SGCZ: variants seen among roughly 807,000 people sequenced by gnomAD.
SGCZ encodes sarcoglycan zeta, also known as zeta-sarcoglycan.
A neutral mutation model predicts 41.3 loss-of-function variants in SGCZ; 40 were observed. The observed-to-expected ratio is 0.97, with a 90% CI of 0.75 to 1.26. The LOEUF (loss-of-function observed/expected upper bound fraction) is 1.26, where lower values mean the gene tolerates loss of function less well. Among genes scored for constraint, SGCZ ranks in the 50% most tolerant of loss-of-function variants. The probability of loss-of-function intolerance (pLI) is 0.00; values close to 1 mark genes in which losing one functional copy is unlikely to be tolerated. For missense variants in SGCZ, 552 were observed against 369.8 expected (o/e 1.49, Z -4.04); for synonymous variants, 206 against 137.5 (o/e 1.50, Z -3.49).
chr8:14,680,561 T>C (rs1182739887), intron 1 of SGCZ, among the ~76,000 whole-genome samples: 1 of 143,428 alleles, frequency 7.0e-6, no homozygotes. Flanking sequence ...GAGCAAGAAA[T>C]CTCACAGATA....
intron 3 of SGCZ, among the ~76,000 whole-genome samples, chr8:14,264,577 G>A (rs1799807575): frequency 6.6e-6 from 1 of 152,116 alleles, no homozygotes; most frequent in African/African-American, 2.4e-5. Flanking sequence ...TGGGCTTAGA[G>A]CATTATCTGG....
At chr8:14,297,548 G>A (rs943283606) in intron 3 of SGCZ, among the ~76,000 whole-genome samples, 6 of 151,530 alleles carry the variant, frequency 4.0e-5, no homozygotes, top group South Asian at 2.1e-4. Flanking sequence ...CAAAATTACC[G>A]CTTTCTAGAA....
chr8:14,893,351 C>T (rs1805085576), intron 1 of SGCZ, among the ~76,000 whole-genome samples: 1 of 152,150 alleles, frequency 6.6e-6, no homozygotes, highest in Non-Finnish European at 1.5e-5. Context: ...GCCCTGCCAT[C>T]ACCTTAAATC....
chr8:14,160,413 G>A (rs958958335), intron 5 of SGCZ, among the ~76,000 whole-genome samples: 1 of 152,008 alleles, frequency 6.6e-6, no homozygotes, highest in Admixed American at 6.5e-5. Context: ...TTTTTGTTGT[G>A]TTGACTAGGT....
intron 3 of SGCZ, among the ~76,000 whole-genome samples, chr8:14,276,735 G>C (rs559827015): frequency 6.6e-5 from 10 of 151,932 alleles, no homozygotes; most frequent in African/African-American, 2.2e-4. Context: ...TTAATTCTAC[G>C]CCACCACTCT....
chr8:14,998,378 G>A (rs1466222563), intron 1 of SGCZ, among the ~76,000 whole-genome samples: 1 of 152,156 alleles, frequency 6.6e-6, no homozygotes, highest in Non-Finnish European at 1.5e-5. Flanking sequence ...AAGCTTTCCA[G>A]TAAGCTGATG....
intron 1 of SGCZ, among the ~76,000 whole-genome samples, chr8:14,803,370 C>T (rs920912005): frequency 3.9e-5 from 6 of 152,146 alleles, no homozygotes; most frequent in East Asian, 2.0e-4. Context: ...AGTGGGTGCG[C>T]GCACCATGCG....
intron 1 of SGCZ, among the ~76,000 whole-genome samples, chr8:14,693,307 C>A (rs1441831985): frequency 1.4e-5 from 2 of 140,824 alleles, no homozygotes; most frequent in Non-Finnish European, 3.1e-5. Context: ...TTTTTTTTTC[C>A]CCCAGATGAA....
intron 2 of SGCZ, among the ~76,000 whole-genome samples, chr8:14,538,258 C>T (rs1350870): frequency 0.89 from 134,826 of 151,922 alleles, 60,107 homozygotes; most frequent in Middle Eastern, 0.94. Flanking sequence ...GTGAAGGCAA[C>T]CCTTAAAATG....
At chr8:15,217,969 C>A (rs1365625707) in intron 1 of SGCZ, among the ~76,000 whole-genome samples, 1 of 152,008 alleles carries the variant, frequency 6.6e-6, no homozygotes, top group Non-Finnish European at 1.5e-5. Context: ...GCTTGTAATC[C>A]CAGCTGCTGG....
chr8:14,532,307 A>T (rs901278115), intron 2 of SGCZ, among the ~76,000 whole-genome samples: 1 of 152,060 alleles, frequency 6.6e-6, no homozygotes, highest in Non-Finnish European at 1.5e-5. Context: ...GGTTAGAGTA[A>T]ACCTTCCAGT....
rs1803845935 is a variant in SGCZ at position 14,551,544 on chromosome 8, T to TATATATA, written c.234+3181_234+3187dup. On this transcript the variant is annotated intron_variant, in intron 2 of 7. Coordinates refer to ENST00000382080, the MANE Select transcript of SGCZ (RefSeq NM_139167.4). ...TATATAATATATATAATATATATAA[T>TATATATA]ATATATAATATATATTATATATATA... Among the ~76,000 whole-genome samples, 28 of 6,194 alleles carry TATATATA rather than the reference T, an allele frequency of 4.5e-3. 3 individuals carry two copies. Among genetic ancestry groups the TATATATA allele is most frequent in the Admixed American group, 0.011 (4 of 354 alleles). 4.1% of individuals were successfully genotyped at this position (6,194 alleles called of 152,430 possible).
chr8:14,966,477 G>T (rs1302182285), intron 1 of SGCZ, among the ~76,000 whole-genome samples: 1 of 151,806 alleles, frequency 6.6e-6, no homozygotes, highest in Non-Finnish European at 1.5e-5. Context: ...GATTACAGAG[G>T]ATTTTGTGTA....
chr8:14,120,900 T>C (rs187995942), intron 5 of SGCZ, among the ~76,000 whole-genome samples: 6 of 152,258 alleles, frequency 3.9e-5, no homozygotes, highest in Admixed American at 3.3e-4. Flanking sequence ...AGATCATCAA[T>C]GATAGTTTCA....
rs192668674 is a variant in SGCZ, at chr8:14,085,073, A to C, written c.*5370T>G. Reference sequence around the variant, plus strand: ...CAATTAAGTTCCATCTAAACAAAAGATACAATAGACTGATTTTTGAATAGA... The same window carrying C: ...CAATTAAGTTCCATCTAAACAAAAGCTACAATAGACTGATTTTTGAATAGA... On this transcript the variant is annotated 3_prime_UTR_variant, in exon 8 of 8. Coordinates refer to ENST00000382080, the MANE Select transcript of SGCZ (RefSeq NM_139167.4). Among the ~76,000 whole-genome samples the C allele has an allele frequency of 6.6e-6, 1 of 151,808 alleles. No homozygotes were observed. Among genetic ancestry groups the C allele is most frequent in the Admixed American group, 6.6e-5 (1 of 15,200 alleles).
chr8:14,568,497 T>C (rs1331817164), intron 1 of SGCZ, among the ~76,000 whole-genome samples: 11 of 151,984 alleles, frequency 7.2e-5, no homozygotes, highest in African/African-American at 2.7e-4. Flanking sequence ...ACTGAGACTT[T>C]TGGAGGATTT....
chr8:14,306,235 A>G (rs1008757725), intron 3 of SGCZ, among the ~76,000 whole-genome samples: 52 of 152,242 alleles, frequency 3.4e-4, no homozygotes, highest in African/African-American at 1.0e-3. Flanking sequence ...CCATGATTAA[A>G]GCAAAATATT....
chr8:14,853,188 C>T (rs1183126760), intron 1 of SGCZ, among the ~76,000 whole-genome samples: 1 of 152,112 alleles, frequency 6.6e-6, no homozygotes, highest in Admixed American at 6.6e-5. Flanking sequence ...TGCATGGAAT[C>T]CCAAGTTATT....
chr8:14,558,574 TAGAGAGAGAGAGAG>T (rs146179658), intron 1 of SGCZ, among the ~76,000 whole-genome samples: 3 of 99,812 alleles, frequency 3.0e-5, no homozygotes, highest in Middle Eastern at 6.9e-3. Context: ...GAATGACTCT[TAGAGAGAGAGAGAG>T]AGAGAGAGAG....
Sources: gnomAD v4.1 joint callset for allele counts (sites outside exome capture counted in the v4.1 genomes callset) on GRCh38, gnomAD v4.1.1 for gene constraint, MANE v1.5 for transcripts, NCBI Gene and HGNC (gene_info 2026-07-23, HGNC 2026-07-21) for gene names.